The following EPN2 variants were observed in gnomAD, a reference collection of about 807,000 sequenced individuals.
EPN2 encodes epsin-2.
In EPN2, 34 loss-of-function variants were observed where a neutral mutation model predicts 61.7. That is an observed-to-expected ratio of 0.55 (90% CI 0.42 to 0.73). The LOEUF (loss-of-function observed/expected upper bound fraction) is 0.73. Ranked by LOEUF, EPN2 falls within the 30% of genes least tolerant of loss-of-function variation. The pLI, the probability that EPN2 is intolerant of heterozygous loss-of-function variation, is 0.00. For synonymous variants in EPN2, 349 were observed against 353.6 expected (o/e 0.99, Z 0.15); for missense variants, 714 against 839.2 (o/e 0.85, Z 1.84).
At chr17:19,239,079 A>G (rs2044850543) in intron 1 of EPN2, among the ~76,000 whole-genome samples, 1 of 152,214 alleles carries the variant, frequency 6.6e-6, no homozygotes, top group Non-Finnish European at 1.5e-5. Flanking sequence ...TTGCTTCTGA[A>G]TGGTACTTGT....
Position 19,334,096 on chromosome 17 carries a change from G to T in EPN2, c.1768G>T (p.Val590Leu). 1 of 1,609,358 alleles carries T rather than the reference G, an allele frequency of 6.2e-7. No individual in the cohort carries two copies. The highest frequency in any genetic ancestry group is 8.5e-7 in the Non-Finnish European group (1 of 1,177,958). ...TGGCCCAGGAGTGGAGTCCATGGCTGTGGCCTCGATGACCTCCGCGGCCCC... is the reference window on the plus strand; with the variant it reads ...TGGCCCAGGAGTGGAGTCCATGGCTTTGGCCTCGATGACCTCCGCGGCCCC... ...GPGPGVESMA[V>L]ASMTSAAPQP... The change falls in exon 11 of 11, where the codon GTG (valine) becomes TTG (leucine). Residue 590 changes from valine (V) to leucine (L), a missense_variant. By Grantham distance (32) the Val-to-Leu change is conservative. Around this residue, in one of 2 missense-constraint regions of EPN2, gnomAD observed 410 missense variants for 421.8 expected, o/e 0.97. Transcript: ENST00000314728. This position sits in a 1 kb window ranked among gnomAD's most constrained non-coding sequence, Gnocchi z 4.9.
chr17:19,299,158 C>G (rs1316237519), intron 4 of EPN2, among the ~76,000 whole-genome samples: 1 of 152,150 alleles, frequency 6.6e-6, no homozygotes, highest in South Asian at 2.1e-4. Flanking sequence ...ATTTTGTAAT[C>G]GATTATTTCC....
At chr17:19,309,861 T>C (rs201108124) in intron 4 of EPN2, 24 bp from the exon 5 acceptor site, 12 of 1,589,952 alleles carry the variant, frequency 7.5e-6, no homozygotes, top group Non-Finnish European at 1.0e-5. Flanking sequence ...CTTTTGCATA[T>C]GATGACTTGG....
rs544825853 is a variant in EPN2, at chr17:19,283,434, C to G, written c.315C>G (p.Thr105=). Residue 105 remains threonine, a synonymous_variant, in exon 3 of 11, where the codon ACC becomes ACG. Transcript: ENST00000314728. This position sits in a 1 kb window ranked among gnomAD's most constrained non-coding sequence, Gnocchi z 7.0. ...QCRENIFAIQ[T]LKDFQYIDRD... is the part of the protein sequence containing the mutation. ...GGGAGAACATCTTCGCCATCCAGAC[C>G]CTGAAGGACTTCCAGTACATTGACC... 70 of 1,614,160 alleles carry G rather than the reference C, an allele frequency of 4.3e-5. No homozygotes were observed. Among genetic ancestry groups the G allele is most frequent in the Admixed American group, 8.3e-5 (5 of 60,026 alleles).
intron 4 of EPN2, among the ~76,000 whole-genome samples, chr17:19,287,208 G>A (rs1003458816): frequency 2.0e-5 from 3 of 151,858 alleles, no homozygotes; most frequent in Non-Finnish European, 4.4e-5. Flanking sequence ...GTGCCATTCC[G>A]TTCTCTCTGC....
intron 1 of EPN2, among the ~76,000 whole-genome samples, chr17:19,254,814 G>A (rs2045056738): frequency 6.6e-6 from 1 of 152,064 alleles, no homozygotes; most frequent in Admixed American, 6.5e-5. Flanking sequence ...TTTCATGAGA[G>A]TCATTGACAA....
At chr17:19,254,138 AAG>A (rs753593950) in intron 1 of EPN2, among the ~76,000 whole-genome samples, 1 of 149,098 alleles carries the variant, frequency 6.7e-6, no homozygotes, top group African/African-American at 2.5e-5. Flanking sequence ...TCTAAAAAGA[AAG>A]AGAGAGAGAG....
At chr17:19,309,375 C>A (rs1443828142) in intron 4 of EPN2, among the ~76,000 whole-genome samples, 5 of 152,140 alleles carry the variant, frequency 3.3e-5, no homozygotes, top group Non-Finnish European at 7.4e-5. Context: ...GTGATCCGCC[C>A]GCCTCGGCCT....
chr17:19,298,429 C>T (rs533409595), intron 4 of EPN2, among the ~76,000 whole-genome samples: 4 of 152,302 alleles, frequency 2.6e-5, no homozygotes, highest in Admixed American at 1.3e-4. Flanking sequence ...CTCCTGACCT[C>T]ATGTGATCCT....
chr17:19,255,569 T>A (rs1046799477), intron 1 of EPN2, among the ~76,000 whole-genome samples: 2 of 147,250 alleles, frequency 1.4e-5, no homozygotes, highest in Non-Finnish European at 3.0e-5. Flanking sequence ...AGTTTTTTTT[T>A]TTTTTTTTTT....
intron 1 of EPN2, among the ~76,000 whole-genome samples, chr17:19,244,475 A>C (rs1261935113): frequency 6.6e-6 from 1 of 151,470 alleles, no homozygotes; most frequent in African/African-American, 2.4e-5. Context: ...AAAAAAAAAG[A>C]AAGAATTGTA....
intron 9 of EPN2, 23 bp downstream of exon 9, chr17:19,329,670 T>A: frequency 7.2e-7 from 1 of 1,387,620 alleles, no homozygotes. Context: ...GATGATGGTT[T>A]CCATAATCCT....
At chr17:19,239,333 G>C (rs2044856763) in intron 1 of EPN2, among the ~76,000 whole-genome samples, 1 of 152,136 alleles carries the variant, frequency 6.6e-6, no homozygotes, top group South Asian at 2.1e-4. Context: ...TGTATTTTTA[G>C]TAGAGACGGG....
chr17:19,249,491 G>A (rs1295349369), intron 1 of EPN2: 3 of 152,250 alleles, frequency 2.0e-5, no homozygotes, highest in African/African-American at 7.2e-5. Context: ...CTATTTTCCA[G>A]AAATCCCTGG....
intron 7 of EPN2, among the ~76,000 whole-genome samples, chr17:19,314,887 A>T (rs1906313361): frequency 6.6e-6 from 1 of 152,248 alleles, no homozygotes. Flanking sequence ...TTATTTTTAA[A>T]TCTGAAGAAT....
chr17:19,308,753 G>C (rs1374778685), intron 4 of EPN2: 4 of 819,974 alleles, frequency 4.9e-6, no homozygotes, highest in Non-Finnish European at 5.9e-6. Context: ...TTCCTGAAAC[G>C]GGGGCAGAGG....
chr17:19,275,409 G>A (rs185588326), intron 1 of EPN2, among the ~76,000 whole-genome samples: 11 of 152,328 alleles, frequency 7.2e-5, no homozygotes, highest in Admixed American at 4.6e-4. Context: ...TGCAGACCAC[G>A]TGTTGTTATG....
At chr17:19,265,145 C>A (rs1352233052) in intron 1 of EPN2, among the ~76,000 whole-genome samples, 1 of 152,146 alleles carries the variant, frequency 6.6e-6, no homozygotes, top group African/African-American at 2.4e-5. Flanking sequence ...ACAATCTCAG[C>A]ACTTTGGGAT....
At chr17:19,260,219 G>A (rs2040266289) in intron 1 of EPN2, among the ~76,000 whole-genome samples, 2 of 152,218 alleles carry the variant, frequency 1.3e-5, no homozygotes, top group Non-Finnish European at 1.5e-5. Context: ...GCTACCTTAT[G>A]ATGGGAGGGA....
Sources: gnomAD v4.1 joint callset for allele counts (sites outside exome capture counted in the v4.1 genomes callset) on GRCh38, gnomAD v4.1.1 for gene constraint, gnomAD v4.1.1 regional missense constraint, Gnocchi (gnomAD v3.1) non-coding constraint, MANE v1.5 for transcripts, NCBI Gene and HGNC (gene_info 2026-07-23, HGNC 2026-07-21) for gene names.